Variants in STK32B observed in about 807,000 individuals in gnomAD.
STK32B encodes the protein serine/threonine-protein kinase 32B.
Under a neutral mutation model 52.6 loss-of-function variants are expected in STK32B, and 43 were observed. The observed-to-expected ratio is 0.82, with a 90% CI of 0.64 to 1.05. The LOEUF is 1.05. STK32B is among the 50% of genes least tolerant of loss of function. The pLI is 0.00. For synonymous variants in STK32B, 238 were observed against 204.3 expected (o/e 1.17, Z -1.41); for missense variants, 621 against 534.6 (o/e 1.16, Z -1.59).
chr4:5,143,099 G>A (rs200772084), intron 2 of STK32B, among the ~76,000 whole-genome samples: 1 of 112,698 alleles, frequency 8.9e-6, no homozygotes, highest in Non-Finnish European at 2.0e-5. Flanking sequence ...TTCTGTCTCT[G>A]TCTCTGTCTG....
intron 3 of STK32B, among the ~76,000 whole-genome samples, chr4:5,232,849 G>A (rs373806204): frequency 2.0e-5 from 3 of 152,078 alleles, no homozygotes; most frequent in Non-Finnish European, 2.9e-5. Flanking sequence ...TTCTGTTTGG[G>A]ACAGGCCAGT....
intron 1 of STK32B, among the ~76,000 whole-genome samples, chr4:5,123,441 A>C (rs1391733500): frequency 6.6e-6 from 1 of 152,124 alleles, no homozygotes; most frequent in South Asian, 2.1e-4. Context: ...CAATGCTAGC[A>C]TCATTGTTAT....
At chr4:5,261,030 C>A (rs1648912695) in intron 3 of STK32B, among the ~76,000 whole-genome samples, 1 of 152,114 alleles carries the variant, frequency 6.6e-6, no homozygotes, top group South Asian at 2.1e-4. Context: ...GGAAGGGGGA[C>A]ACGTTGGTCA....
intron 3 of STK32B, among the ~76,000 whole-genome samples, chr4:5,207,272 C>G (rs935175313): frequency 3.9e-5 from 6 of 152,190 alleles, no homozygotes; most frequent in African/African-American, 1.4e-4. Context: ...ATTTTAGCTC[C>G]CATAATCCCC....
intron 11 of STK32B, among the ~76,000 whole-genome samples, chr4:5,490,520 C>A (rs1480006298): frequency 6.6e-6 from 1 of 151,814 alleles, no homozygotes; most frequent in Non-Finnish European, 1.5e-5. Flanking sequence ...GTCAGGAGGC[C>A]TAAAAGATAA....
intron 3 of STK32B, among the ~76,000 whole-genome samples, chr4:5,196,154 T>C (rs1384157325): frequency 1.3e-5 from 2 of 151,356 alleles, no homozygotes; most frequent in African/African-American, 4.9e-5. Flanking sequence ...AGGGAGGGAG[T>C]GGTGTTCTTG....
At chr4:5,432,518 T>G (rs1454559904) in intron 6 of STK32B, 1 of 152,148 alleles carries the variant, frequency 6.6e-6, no homozygotes, top group African/African-American at 2.4e-5. Flanking sequence ...CATTCCATGG[T>G]GAAATGTGGT....
At chr4:5,483,882 A>T (rs533201610) in intron 11 of STK32B, among the ~76,000 whole-genome samples, 2 of 152,120 alleles carry the variant, frequency 1.3e-5, no homozygotes, top group East Asian at 3.9e-4. Context: ...TTCAGTTTCT[A>T]TGTAGCTGAG....
intron 2 of STK32B, among the ~76,000 whole-genome samples, chr4:5,163,000 T>A (rs568557462): frequency 6.6e-6 from 1 of 152,274 alleles, no homozygotes; most frequent in East Asian, 1.9e-4. Context: ...ACTGTACACA[T>A]GGAATCACTG....
chr4:5,494,778 C>CA (rs745381522), intron 11 of STK32B, among the ~76,000 whole-genome samples: 8 of 152,166 alleles, frequency 5.3e-5, no homozygotes, highest in Non-Finnish European at 1.0e-4. Flanking sequence ...CTGATGGTGA[C>CA]AAAATCTCTC....
At chr4:5,435,007 C>G (rs1022190237) in intron 6 of STK32B, among the ~76,000 whole-genome samples, 9 of 152,290 alleles carry the variant, frequency 5.9e-5, no homozygotes, top group Admixed American at 2.0e-4. Context: ...AGCCCCTAAT[C>G]TCTGTGGGCC....
chr4:5,276,185 A>G (rs1210204334), intron 3 of STK32B, among the ~76,000 whole-genome samples: 1 of 152,064 alleles, frequency 6.6e-6, no homozygotes, highest in African/African-American at 2.4e-5. Context: ...GCTGCTTGGG[A>G]GGCTTAGGCA....
intron 4 of STK32B, among the ~76,000 whole-genome samples, chr4:5,333,496 C>G (rs931201126): frequency 9.9e-5 from 15 of 152,110 alleles, no homozygotes; most frequent in Non-Finnish European, 2.1e-4. Flanking sequence ...TCCCATTTGT[C>G]AATTTTGGCT....
intron 11 of STK32B, among the ~76,000 whole-genome samples, chr4:5,483,294 C>T (rs1718875168): frequency 6.6e-6 from 1 of 151,732 alleles, no homozygotes; most frequent in Admixed American, 6.5e-5. Flanking sequence ...AGAGATTCAA[C>T]TTCTTCCTGG....
chr4:5,401,045 A>G (rs1172103269), intron 5 of STK32B, among the ~76,000 whole-genome samples: 2 of 152,148 alleles, frequency 1.3e-5, no homozygotes, highest in Non-Finnish European at 2.9e-5. Flanking sequence ...AGGTGCCTGG[A>G]TGGACAGGTG....
chr4:5,440,011 G>C (rs1203309174), intron 6 of STK32B, among the ~76,000 whole-genome samples: 1 of 152,196 alleles, frequency 6.6e-6, no homozygotes, highest in African/African-American at 2.4e-5. Flanking sequence ...CTGTAGTCTT[G>C]TAGTATAGTT....
chr4:5,166,818 G>A (rs994248803), intron 2 of STK32B, among the ~76,000 whole-genome samples: 1 of 152,106 alleles, frequency 6.6e-6, no homozygotes, highest in East Asian at 1.9e-4. Context: ...CCTTATCGAG[G>A]TGTTGGGAAG....
intron 1 of STK32B, among the ~76,000 whole-genome samples, chr4:5,117,388 A>G (rs959735781): frequency 7.9e-6 from 1 of 126,332 alleles, no homozygotes; most frequent in South Asian, 2.7e-4. Context: ...ATCTGTTTAG[A>G]TGATCATATG....
intron 3 of STK32B, among the ~76,000 whole-genome samples, chr4:5,176,092 C>T (rs1223483423): frequency 6.6e-6 from 1 of 152,228 alleles, no homozygotes. Flanking sequence ...GTGTAGGACC[C>T]TCTGAGCCAT....
Sources: allele counts gnomAD v4.1 joint callset (sites outside exome capture counted in the v4.1 genomes callset), GRCh38; gene constraint gnomAD v4.1.1; transcripts MANE v1.5; gene names NCBI Gene and HGNC (gene_info 2026-07-23, HGNC 2026-07-21).